Variants in EIPR1 observed in about 807,000 individuals in gnomAD.
EIPR1 encodes EARP and GARP complex-interacting protein 1.
A neutral mutation model predicts 48.1 loss-of-function variants in EIPR1; 25 were observed. The ratio of observed to expected loss-of-function variants is 0.52; its 90% confidence interval spans 0.38 to 0.73. EIPR1 has a LOEUF of 0.73. Ranked by LOEUF, EIPR1 falls within the 30% of genes least tolerant of loss-of-function variation. The pLI, the probability that EIPR1 is intolerant of heterozygous loss-of-function variation, is 0.00. For missense variants in EIPR1, 415 were observed against 506.2 expected (o/e 0.82, Z 1.73); for synonymous variants, 204 against 201.9 (o/e 1.01, Z -0.09).
chr2:3,214,048 G>A, intron 5 of EIPR1, 101 bp downstream of exon 5: 1 of 1,104,180 alleles, frequency 9.1e-7, no homozygotes, highest in South Asian at 1.4e-5. Flanking sequence ...CCCACCCTGT[G>A]TCCAAGTGAT....
intron 2 of EIPR1, among the ~76,000 whole-genome samples, chr2:3,348,347 G>A (rs1049336761): frequency 2.6e-5 from 4 of 152,154 alleles, no homozygotes; most frequent in Admixed American, 1.3e-4. Flanking sequence ...GTCTCCAGAG[G>A]AAGATTAAGA....
intron 2 of EIPR1, among the ~76,000 whole-genome samples, chr2:3,339,150 C>T (rs369947050): frequency 1.3e-5 from 2 of 152,138 alleles, no homozygotes; most frequent in East Asian, 1.9e-4. Context: ...AGAAACTGTA[C>T]GAATGCTACA....
intron 3 of EIPR1, among the ~76,000 whole-genome samples, chr2:3,331,034 G>A (rs777408121): frequency 3.2e-4 from 44 of 135,816 alleles, no homozygotes; most frequent in Non-Finnish European, 6.2e-4. Context: ...GCAGAGGCAG[G>A]CATGTGTACA....
chr2:3,296,220 C>G (rs375618257), intron 3 of EIPR1, among the ~76,000 whole-genome samples: 1 of 119,122 alleles, frequency 8.4e-6, no homozygotes, highest in African/African-American at 3.2e-5. Flanking sequence ...TACACAGACA[C>G]CCTCCATCCA....
chr2:3,293,178 T>C (rs758690494), intron 3 of EIPR1, among the ~76,000 whole-genome samples: 184 of 152,342 alleles, frequency 1.2e-3, no homozygotes, highest in Admixed American at 2.8e-3. Flanking sequence ...CTCGGTGAGT[T>C]GAGCTTAACT....
chr2:3,207,845 C>A (rs537536676), intron 5 of EIPR1: 1 of 152,298 alleles, frequency 6.6e-6, no homozygotes, highest in South Asian at 2.1e-4. Context: ...CCAATATTTA[C>A]AAAATCAAAC....
At chr2:3,343,823 T>A (rs1369362970) in intron 2 of EIPR1, among the ~76,000 whole-genome samples, 1 of 151,960 alleles carries the variant, frequency 6.6e-6, no homozygotes, top group Non-Finnish European at 1.5e-5. Flanking sequence ...AGGGCCAGGC[T>A]GCTGAGTACA....
intron 3 of EIPR1, among the ~76,000 whole-genome samples, chr2:3,268,092 C>T (rs989202146): frequency 1.3e-5 from 2 of 152,192 alleles, no homozygotes; most frequent in African/African-American, 2.4e-5. Context: ...AAGCGTGGCC[C>T]CAGCACTGGG....
In EIPR1 at chr2:3,260,709, G is replaced by A. The variant is rs541131900; in HGVS notation, c.260-3254C>T. 3.3e-4 allele frequency among the ~76,000 whole-genome samples: 50 copies of A among 152,128 alleles called. No individual in the cohort carries two copies. The South Asian group carries it at 3.5e-3, about 11-fold the overall frequency. On this transcript the variant is annotated intron_variant, in intron 3 of 8. Transcript: ENST00000382125. Reference sequence around the variant, plus strand: ...CCCAATTTTTTTAAATGTACCTTACGCCAAATCAGACACTTCACAAAAGAA... The same window carrying A: ...CCCAATTTTTTTAAATGTACCTTACACCAAATCAGACACTTCACAAAAGAA...
chr2:3,253,509 C>A (rs1482342747), intron 4 of EIPR1, among the ~76,000 whole-genome samples: 1 of 152,182 alleles, frequency 6.6e-6, no homozygotes, highest in Non-Finnish European at 1.5e-5. Context: ...GCAACGTCAT[C>A]GCCGTTTCAG....
At chr2:3,191,555 G>C (rs1158782406) in intron 8 of EIPR1, among the ~76,000 whole-genome samples, 1 of 152,208 alleles carries the variant, frequency 6.6e-6, no homozygotes, top group Non-Finnish European at 1.5e-5. Flanking sequence ...CCAAAACAGA[G>C]TGACAGACCC....
At chr2:3,203,742 C>A (rs542874119) in intron 5 of EIPR1, among the ~76,000 whole-genome samples, 13 of 152,338 alleles carry the variant, frequency 8.5e-5, no homozygotes, top group Admixed American at 5.9e-4. Flanking sequence ...GGTCCCTCAG[C>A]GGATTAGATG....
chr2:3,269,045 T>G (rs770911489), intron 3 of EIPR1, among the ~76,000 whole-genome samples: 9 of 152,220 alleles, frequency 5.9e-5, no homozygotes, highest in Non-Finnish European at 1.0e-4. Context: ...GTGTCCCTTC[T>G]GCAGGTAACT....
At chr2:3,336,767 AGAAAAGAAAAG>A (rs1052355114) in intron 3 of EIPR1, among the ~76,000 whole-genome samples, 15 of 151,964 alleles carry the variant, frequency 9.9e-5, no homozygotes, top group Middle Eastern at 3.4e-3. Flanking sequence ...GACTCTGTCA[AGAAAAGAAAAG>A]GAAAAGAAAA....
chr2:3,370,280 G>C (rs868084384), intron 1 of EIPR1, among the ~76,000 whole-genome samples: 5 of 152,286 alleles, frequency 3.3e-5, no homozygotes, highest in Middle Eastern at 3.4e-3. Context: ...AAACCACAAA[G>C]ATGGGGAAAA....
chr2:3,196,611 A>AG (rs993093148), intron 6 of EIPR1, among the ~76,000 whole-genome samples: 4 of 152,168 alleles, frequency 2.6e-5, no homozygotes, highest in African/African-American at 9.7e-5. Flanking sequence ...CCCAATTCCT[A>AG]GTTTTCATAA....
chr2:3,266,076 AGCCACGGGTGTGCT>A (rs1667477099), intron 3 of EIPR1, among the ~76,000 whole-genome samples: 1 of 152,252 alleles, frequency 6.6e-6, no homozygotes, highest in Non-Finnish European at 1.5e-5. Context: ...TGCCAACTGC[AGCCACGGGTGTGCT>A]GCCTGCTGGA....
chr2:3,240,692 A>C (rs1666584997), intron 4 of EIPR1, among the ~76,000 whole-genome samples: 2 of 32,696 alleles, frequency 6.1e-5, no homozygotes, highest in Admixed American at 4.1e-4. Flanking sequence ...GGTCCCTCCT[A>C]AAGCAAAGCC....
chr2:3,297,827 T>G (rs560802018), intron 3 of EIPR1, among the ~76,000 whole-genome samples: 1 of 152,246 alleles, frequency 6.6e-6, no homozygotes, highest in Admixed American at 6.5e-5. Context: ...CTTCTTTTTT[T>G]GTTCGTTTGT....
Sources: gnomAD v4.1 joint callset for allele counts (sites outside exome capture counted in the v4.1 genomes callset) on GRCh38, gnomAD v4.1.1 for gene constraint, MANE v1.5 for transcripts, NCBI Gene and HGNC (gene_info 2026-07-23, HGNC 2026-07-21) for gene names.